The following IFT81 variants were observed in gnomAD, a reference collection of about 807,000 sequenced individuals.
IFT81 encodes the protein intraflagellar transport protein 81 homolog.
IFT81 carries 72 observed loss-of-function variants against 102.6 expected under a neutral mutation model. The observed-to-expected ratio is 0.70, with a 90% CI of 0.58 to 0.85. IFT81 has a LOEUF of 0.85. IFT81 is among the 40% of genes least tolerant of loss of function. IFT81 has a pLI of 0.00. For missense variants in IFT81, 723 were observed against 787.3 expected (o/e 0.92, Z 0.98); for synonymous variants, 237 against 242.7 (o/e 0.98, Z 0.22).
intron 11 of IFT81, among the ~76,000 whole-genome samples, chr12:110,172,353 C>G (rs1415940275): frequency 2.6e-5 from 4 of 151,848 alleles, no homozygotes; most frequent in African/African-American, 7.3e-5. Context: ...CTCTGCCTCT[C>G]CCCATGGTCT....
At position 110,192,607 on chromosome 12, in the gene IFT81, C is replaced by T; in HGVS notation, c.1468-10C>T. 1 of 1,431,116 alleles carries T rather than the reference C, an allele frequency of 7.0e-7. No homozygotes were observed. The highest frequency in any genetic ancestry group is 9.5e-7 in the Non-Finnish European group (1 of 1,057,144). The allele number at this position is 1,431,116 out of a possible 1,614,324, so 88.7% of individuals were successfully genotyped here. A position where few individuals can be genotyped will look rare whatever the true frequency, so the allele number is the denominator to read the frequency against. ...TTTTTTAGGTGTTATATTTTTTGTT[C>T]AAATAACAGGTGAAAAAACTGTATT... On this transcript the variant is annotated splice_polypyrimidine_tract_variant and intron_variant, in intron 13 of 18. Transcript: ENST00000242591.
intron 11 of IFT81, 65 bp from the exon 12 acceptor site, chr12:110,180,357 C>A: frequency 2.0e-6 from 2 of 976,522 alleles, no homozygotes; most frequent in Non-Finnish European, 1.5e-6. Flanking sequence ...TGAGTTTATA[C>A]AGATGTATGA....
intron 1 of IFT81, among the ~76,000 whole-genome samples, chr12:110,126,653 G>A (rs1169409940): frequency 6.6e-6 from 1 of 152,188 alleles, no homozygotes; most frequent in African/African-American, 2.4e-5. Flanking sequence ...AAAGAGTCTG[G>A]AAATCCAAGA....
intron 11 of IFT81, among the ~76,000 whole-genome samples, chr12:110,169,856 C>A (rs1896652601): frequency 6.6e-6 from 1 of 152,172 alleles, no homozygotes; most frequent in South Asian, 2.1e-4. Context: ...AGCCACCTCA[C>A]CCAGCCCAGA....
At chr12:110,136,927 A>G in intron 8 of IFT81, 67 bp downstream of exon 8, 1 of 999,654 alleles carries the variant, frequency 1.0e-6, no homozygotes, top group Non-Finnish European at 1.5e-6. Context: ...ATCTTCCTAA[A>G]AAATCAATTT....
intron 4 of IFT81, among the ~76,000 whole-genome samples, chr12:110,131,548 A>T (rs1366933009): frequency 8.6e-5 from 13 of 151,868 alleles, no homozygotes; most frequent in Admixed American, 8.5e-4. Context: ...GGGTTTCACC[A>T]TGTTGGCCAG....
intron 10 of IFT81, among the ~76,000 whole-genome samples, chr12:110,157,788 T>C (rs1266699642): frequency 6.6e-6 from 1 of 152,234 alleles, no homozygotes; most frequent in African/African-American, 2.4e-5. Context: ...GATTCTTTTG[T>C]CTGCCTTCCC....
rs757229995 is a variant in IFT81, at chr12:110,163,019, A to G, written c.1142A>G (p.Asn381Ser). Reference sequence around the variant, plus strand: ...GAGAGAGAAGCATCAGTAAAGAGAAATCAGACCCGTGAATTTGATGGTACT... The same window carrying G: ...GAGAGAGAAGCATCAGTAAAGAGAAGTCAGACCCGTGAATTTGATGGTACT... ...SLEREASVKR[N>S]QTREFDGTEV... Residue 381 changes from asparagine (N) to serine (S), a missense_variant, in exon 11 of 19, where the codon AAT becomes AGT. Physicochemically the swap from Asn to Ser is conservative, Grantham distance 46. Transcript: ENST00000242591. The G allele has an allele frequency of 1.5e-5, 25 of 1,614,062 alleles. No homozygotes were observed. Among genetic ancestry groups the G allele is most frequent in the Non-Finnish European group, 1.9e-5 (22 of 1,179,960 alleles).
chr12:110,145,954 G>C (rs1450511333), intron 9 of IFT81, among the ~76,000 whole-genome samples: 1 of 151,816 alleles, frequency 6.6e-6, no homozygotes, highest in African/African-American at 2.4e-5. Flanking sequence ...AGGACTACAG[G>C]TGCATGCCAC....
At chr12:110,128,786 CAAA>C (rs59756924) in intron 3 of IFT81, among the ~76,000 whole-genome samples, 161 bp from the exon 4 acceptor site, 5 of 68,720 alleles carry the variant, frequency 7.3e-5, no homozygotes, top group Admixed American at 1.7e-4. Context: ...GACCCTGTCT[CAAA>C]AAAAAAAAAA....
intron 4 of IFT81, 38 bp downstream of exon 4, chr12:110,129,168 G>T (rs1223470075): frequency 7.1e-7 from 1 of 1,416,572 alleles, no homozygotes; most frequent in South Asian, 1.3e-5. Context: ...AACTGTAATG[G>T]ATTTCAAGGT....
In IFT81 at chr12:110,205,531, C is replaced by A. The variant is rs368810736; in HGVS notation, c.1716+17C>A. On this transcript the variant is annotated intron_variant, in intron 16 of 18. Transcript: ENST00000242591. Reference sequence around the variant, plus strand: ...ATGATTAAGGTAAGACAAAGTAGATCAAAAACATTTCTGAGTTTTTTCTAT... The same window carrying A: ...ATGATTAAGGTAAGACAAAGTAGATAAAAAACATTTCTGAGTTTTTTCTAT... The A allele has an allele frequency of 7.6e-5, 120 of 1,587,190 alleles. 5 individuals are homozygous for A. Among genetic ancestry groups the A allele is most frequent in the African/African-American group, 7.2e-4 (53 of 73,350 alleles).
chr12:110,125,360 G>A (rs971361262), intron 1 of IFT81, among the ~76,000 whole-genome samples: 1 of 152,022 alleles, frequency 6.6e-6, no homozygotes, highest in Non-Finnish European at 1.5e-5. Flanking sequence ...TTATTTGTGC[G>A]TAATTTTTCA....
chr12:110,193,290 CA>C (rs1897874301), intron 14 of IFT81, among the ~76,000 whole-genome samples: 2 of 152,080 alleles, frequency 1.3e-5, no homozygotes, highest in African/African-American at 2.4e-5. Context: ...CAAATTCAGC[CA>C]GAGGAGATTT....
intron 9 of IFT81, 96 bp downstream of exon 9, chr12:110,143,641 C>T (rs1234508511): frequency 2.1e-6 from 2 of 963,516 alleles, no homozygotes; most frequent in Non-Finnish European, 3.0e-6. Context: ...CCACTATTGA[C>T]TCTTAAATTA....
rs565068506 is a variant in IFT81, at chr12:110,146,923, CTTT to C, written c.946-21_946-19del. 49 of 1,200,770 alleles carry C rather than the reference CTTT, an allele frequency of 4.1e-5. No individual in the cohort carries two copies. In the South Asian group the frequency reaches 6.3e-4, roughly 16 times the overall value. The allele number at this position is 1,200,770 out of a possible 1,614,324, so 74.4% of individuals were successfully genotyped here. A position where few individuals can be genotyped will look rare whatever the true frequency, so the allele number is the denominator to read the frequency against. Reference sequence around the variant, plus strand: ...TGTGTACTTATAGGGAAAGTTTTAACTTTTTTTTTTTGCTTTCATGCTATTTTA... The same window carrying C: ...TGTGTACTTATAGGGAAAGTTTTAACTTTTTTTTGCTTTCATGCTATTTTA... On this transcript the variant is annotated intron_variant, in intron 9 of 18. Coordinates refer to ENST00000242591, the MANE Select transcript of IFT81 (RefSeq NM_014055.4).
chr12:110,133,397 A>G (rs1894291416), intron 5 of IFT81, among the ~76,000 whole-genome samples: 1 of 151,194 alleles, frequency 6.6e-6, no homozygotes, highest in South Asian at 2.1e-4. Flanking sequence ...CCGAGGCTGG[A>G]GGATCATTTG....
intron 10 of IFT81, among the ~76,000 whole-genome samples, chr12:110,154,628 C>CAA (rs201856295): frequency 3.4e-4 from 18 of 53,576 alleles, no homozygotes; most frequent in African/African-American, 7.7e-4. Flanking sequence ...CTCTGTCTCA[C>CAA]AAAAAAAAAA....
intron 8 of IFT81, among the ~76,000 whole-genome samples, chr12:110,137,113 C>T (rs766696697): frequency 1.2e-4 from 19 of 152,008 alleles, no homozygotes; most frequent in Admixed American, 5.9e-4. Context: ...TTTGGGAGCC[C>T]GAGGTGGCGA....
Sources: gnomAD v4.1 joint callset for allele counts (sites outside exome capture counted in the v4.1 genomes callset) on GRCh38, gnomAD v4.1.1 for gene constraint, MANE v1.5 for transcripts, NCBI Gene and HGNC (gene_info 2026-07-23, HGNC 2026-07-21) for gene names.